The following UGGT2 variants were observed in gnomAD, a reference collection of about 807,000 sequenced individuals.
UGGT2 encodes the protein UDP-glucose:glycoprotein glucosyltransferase 2.
UGGT2 carries 180 observed loss-of-function variants against 192.1 expected under a neutral mutation model. The ratio of observed to expected loss-of-function variants is 0.94; its 90% confidence interval spans 0.83 to 1.06. The LOEUF is 1.06. UGGT2 is among the 50% of genes least tolerant of loss of function. The pLI, the probability that UGGT2 is intolerant of heterozygous loss-of-function variation, is 0.00. For synonymous variants in UGGT2, 580 were observed against 591.0 expected (o/e 0.98, Z 0.27); for missense variants, 1,849 against 1,795.7 (o/e 1.03, Z -0.54).
intron 5 of UGGT2, among the ~76,000 whole-genome samples, chr13:96,000,625 C>G (rs1280710052): frequency 1.3e-5 from 2 of 152,050 alleles, no homozygotes; most frequent in Non-Finnish European, 2.9e-5. Context: ...CAGTTGGTGG[C>G]TAAGTGAATC....
chr13:95,911,687 A>T (rs1310771244), intron 20 of UGGT2, among the ~76,000 whole-genome samples: 5 of 151,466 alleles, frequency 3.3e-5, no homozygotes, highest in African/African-American at 1.2e-4. Flanking sequence ...TCCCTCTGAA[A>T]CTATTCCAAT....
At chr13:95,949,550 A>T (rs1255209076) in intron 12 of UGGT2, 96 bp from the exon 13 acceptor site, 1 of 1,197,530 alleles carries the variant, frequency 8.4e-7, no homozygotes, top group African/African-American at 1.6e-5. Context: ...AAAAATATAC[A>T]TAGAATTTTC....
At chr13:95,814,549 T>G (rs1272777785) in intron 38 of UGGT2, among the ~76,000 whole-genome samples, 1 of 152,214 alleles carries the variant, frequency 6.6e-6, no homozygotes, top group Non-Finnish European at 1.5e-5. Flanking sequence ...ATAACTAACT[T>G]GTTTTTTATT....
rs143256275 is a variant in UGGT2 at position 96,038,021 on chromosome 13, T to A, written c.159-6050A>T. 5.1e-3 allele frequency among the ~76,000 whole-genome samples: 777 copies of A among 152,320 alleles called. 11 individuals are homozygous for A. The highest frequency in any genetic ancestry group is 0.018 in the African/African-American group (746 of 41,578). On this transcript the variant is annotated intron_variant, in intron 1 of 38. Coordinates refer to ENST00000376747, the MANE Select transcript of UGGT2 (RefSeq NM_020121.4). ...ATAGAGAGAAAGATTTTAGTTTATATAATAAAGGACCTCCTACAATTTTGA... is the reference window on the plus strand; with the variant it reads ...ATAGAGAGAAAGATTTTAGTTTATAAAATAAAGGACCTCCTACAATTTTGA...
chr13:96,001,039 T>C (rs1481031090), intron 5 of UGGT2, among the ~76,000 whole-genome samples: 1 of 152,206 alleles, frequency 6.6e-6, no homozygotes, highest in Non-Finnish European at 1.5e-5. Context: ...TGTTACTAAA[T>C]GCCCAGATAG....
At chr13:96,025,060 T>A (rs1056437788) in intron 2 of UGGT2, among the ~76,000 whole-genome samples, 1 of 152,312 alleles carries the variant, frequency 6.6e-6, no homozygotes, top group South Asian at 2.1e-4. Context: ...CCAGTGCAAA[T>A]ATGGGACATT....
At chr13:95,838,575 G>A (rs1216166444) in intron 36 of UGGT2, among the ~76,000 whole-genome samples, 2 of 151,968 alleles carry the variant, frequency 1.3e-5, no homozygotes, top group East Asian at 3.9e-4. Flanking sequence ...AAAACAGTGT[G>A]GTATTGGAAA....
intron 12 of UGGT2, among the ~76,000 whole-genome samples, chr13:95,966,683 T>C (rs1305223501): frequency 6.6e-6 from 1 of 152,180 alleles, no homozygotes; most frequent in African/African-American, 2.4e-5. Flanking sequence ...ATATGTAAAA[T>C]ATTGTGTATC....
intron 36 of UGGT2, among the ~76,000 whole-genome samples, chr13:95,845,006 C>T (rs1442602840): frequency 1.3e-5 from 2 of 152,034 alleles, no homozygotes; most frequent in African/African-American, 4.8e-5. Flanking sequence ...GGAAAGGATA[C>T]TGGAGTATAT....
intron 17 of UGGT2, among the ~76,000 whole-genome samples, chr13:95,933,075 G>A (rs1273052011): frequency 4.6e-5 from 7 of 152,240 alleles, no homozygotes; most frequent in Admixed American, 3.3e-4. Context: ...TTTGGTATCA[G>A]GATAACACAG....
intron 12 of UGGT2, among the ~76,000 whole-genome samples, chr13:95,962,399 C>T (rs745476102): frequency 6.6e-5 from 10 of 151,988 alleles, no homozygotes; most frequent in Non-Finnish European, 1.5e-4. Flanking sequence ...AAAAGATCAT[C>T]AGAGACTATT....
chr13:95,823,296 T>TTAGGGTA (rs1885683268), intron 38 of UGGT2, among the ~76,000 whole-genome samples: 1 of 152,080 alleles, frequency 6.6e-6, no homozygotes, highest in Non-Finnish European at 1.5e-5. Context: ...TCCATTTGTT[T>TTAGGGTA]TAGGGTATAG....
intron 20 of UGGT2, among the ~76,000 whole-genome samples, chr13:95,917,370 T>C (rs1225220849): frequency 1.3e-5 from 2 of 152,162 alleles, no homozygotes; most frequent in Non-Finnish European, 2.9e-5. Flanking sequence ...GCTGAGGGAA[T>C]TCATCACCAC....
In UGGT2 at chr13:95,990,221, T is replaced by C. The variant is rs182736760; in HGVS notation, c.831-148A>G. On this transcript the variant is annotated intron_variant, in intron 7 of 38. Transcript: ENST00000376747. ...ATAATCATAAATTGTGATACAGCTA[T>C]ATTCACGGAACTTAAAAATAATGAG... is the stretch of plus-strand genomic sequence containing the variant. The C allele has an allele frequency of 2.9e-4, 132 of 452,742 alleles. 2 individuals are homozygous for C. The East Asian group carries it at 4.1e-3, about 14-fold the overall frequency. The allele number at this position is 452,742 out of a possible 1,614,324, so 28.0% of individuals were successfully genotyped here. A position where few individuals can be genotyped will look rare whatever the true frequency, so the allele number is the denominator to read the frequency against.
chr13:96,032,033 A>C, intron 1 of UGGT2, 62 bp from the exon 2 acceptor site: 1 of 1,236,644 alleles, frequency 8.1e-7, no homozygotes, highest in Non-Finnish European at 1.1e-6. Context: ...AGATACTATA[A>C]ACTGTACTCA....
chr13:95,836,431 G>C (rs773530718), intron 37 of UGGT2, among the ~76,000 whole-genome samples: 8 of 152,176 alleles, frequency 5.3e-5, no homozygotes, highest in Non-Finnish European at 1.2e-4. Flanking sequence ...AGAAAGACCT[G>C]CTTGTAAGTT....
intron 25 of UGGT2, among the ~76,000 whole-genome samples, chr13:95,890,104 T>C (rs2047757506): frequency 1.3e-5 from 2 of 152,318 alleles, no homozygotes; most frequent in South Asian, 2.1e-4. Flanking sequence ...GCCTTTGTTA[T>C]AGCGGCCAAA....
chr13:95,858,348 T>A (rs1402223288), intron 33 of UGGT2, among the ~76,000 whole-genome samples: 1 of 151,808 alleles, frequency 6.6e-6, no homozygotes, highest in Non-Finnish European at 1.5e-5. Flanking sequence ...ATGCTAATGA[T>A]GTTATTTGTA....
intron 31 of UGGT2, chr13:95,863,427 G>T: frequency 2.2e-6 from 1 of 457,812 alleles, no homozygotes; most frequent in South Asian, 4.4e-5. Context: ...TTTCTCCATT[G>T]GTTTGTATAG....
Sources: gnomAD v4.1 joint callset for allele counts (sites outside exome capture counted in the v4.1 genomes callset) on GRCh38, gnomAD v4.1.1 for gene constraint, MANE v1.5 for transcripts, NCBI Gene and HGNC (gene_info 2026-07-23, HGNC 2026-07-21) for gene names.